VTCN1: variants seen among roughly 807,000 people sequenced by gnomAD.
The protein encoded by VTCN1 is V-set domain-containing T-cell activation inhibitor 1.
In VTCN1, 26 loss-of-function variants were observed where a neutral mutation model predicts 26.5. That is an observed-to-expected ratio of 0.98 (90% CI 0.72 to 1.36). The LOEUF is 1.36. Among genes scored for constraint, VTCN1 ranks in the 40% most tolerant of loss-of-function variants. VTCN1 has a pLI of 0.00. For synonymous variants in VTCN1, 116 were observed against 130.7 expected (o/e 0.89, Z 0.77); for missense variants, 298 against 337.7 (o/e 0.88, Z 0.92).
At chr1:117,204,897 A>G (rs750784793) in intron 1 of VTCN1, among the ~76,000 whole-genome samples, 13 of 151,920 alleles carry the variant, frequency 8.6e-5, no homozygotes, top group African/African-American at 2.7e-4. Flanking sequence ...ACCCTGTTCT[A>G]CCATTTTTAA....
chr1:117,156,977 C>A (rs888631586), intron 2 of VTCN1, 56 bp from the exon 3 acceptor site: 5 of 1,611,758 alleles, frequency 3.1e-6, no homozygotes, highest in South Asian at 1.1e-5. Context: ...CTTCTACAAC[C>A]AAACCCTTCA....
At chr1:117,157,244 G>A (rs1384333040) in intron 2 of VTCN1, among the ~76,000 whole-genome samples, 1 of 151,988 alleles carries the variant, frequency 6.6e-6, no homozygotes, top group East Asian at 1.9e-4. Context: ...GTAACCTTCA[G>A]TAAGTCATGT....
rs535246937 is a variant in VTCN1, at chr1:117,175,752, C to A, written c.33-5581G>T. Among the ~76,000 whole-genome samples the A allele has an allele frequency of 4.9e-4, 73 of 148,392 alleles. No homozygotes were observed. The highest frequency in any genetic ancestry group is 1.7e-3 in the African/African-American group (69 of 40,472). On this transcript the variant is annotated intron_variant, in intron 1 of 5. Coordinates refer to ENST00000369458, the MANE Select transcript of VTCN1 (RefSeq NM_024626.4). This position sits in a 1 kb window ranked among gnomAD's most constrained non-coding sequence, Gnocchi z 4.2. ...CAAAAAATAAACCAGAAGAGAGATA[C>A]CTATCTCTCTCTCTCTCTCTCTTTT...
At chr1:117,154,391 G>A (rs923615692) in intron 3 of VTCN1, among the ~76,000 whole-genome samples, 5 of 152,012 alleles carry the variant, frequency 3.3e-5, no homozygotes, top group Non-Finnish European at 5.9e-5. Context: ...ATAATTTCAC[G>A]TGTACAGAAA....
In VTCN1 at chr1:117,147,224, C is replaced by T. The variant is rs1034619197; in HGVS notation, c.*45+389G>A. ...TCATCTGCCAACTGTCCACAGGGGC[C>T]GGCTGGAAGGGCAGGGAGGGGTTTT... On this transcript the variant is annotated intron_variant, in intron 5 of 5. Coordinates refer to ENST00000369458, the MANE Select transcript of VTCN1 (RefSeq NM_024626.4). The surrounding 1 kb of genome is among the most constrained non-coding windows in gnomAD (Gnocchi z 4.6). Among the ~76,000 whole-genome samples, 3 of 151,978 alleles carry T rather than the reference C, an allele frequency of 2.0e-5. No homozygotes were observed. The highest frequency in any genetic ancestry group is 2.9e-5 in the Non-Finnish European group (2 of 68,010).
chr1:117,147,688 C>T lies in VTCN1; in HGVS notation c.819G>A (p.Leu273=). The T allele has an allele frequency of 5.6e-6, 9 of 1,613,882 alleles. No individual in the cohort carries two copies. The Admixed American group carries it at 1.3e-4, about 24-fold the overall frequency. ...SSFFAISWAL[L]PLSPYLMLK ...TTAGCATCAGGTAAGGGCTGAGAGG[C>T]AGAAGTGCCCAGCTGATGGCAAAGA... Residue 273 remains leucine, a synonymous_variant, in exon 5 of 6, where the codon CTG becomes CTA. Coordinates refer to ENST00000369458, the MANE Select transcript of VTCN1 (RefSeq NM_024626.4). The surrounding 1 kb of genome is among the most constrained non-coding windows in gnomAD (Gnocchi z 4.6).
In VTCN1 at chr1:117,183,053, T is replaced by C. The variant is rs1234354227; in HGVS notation, c.33-12882A>G. Among the ~76,000 whole-genome samples the C allele has an allele frequency of 2.6e-5, 4 of 152,214 alleles. No homozygotes were observed. The highest frequency in any genetic ancestry group is 9.6e-5 in the African/African-American group (4 of 41,464). ...AAGATTAAAATATAAAGTATTGATT[T>C]AAGCATAGAAAGCGAAGAAAGCATA... On this transcript the variant is annotated intron_variant, in intron 1 of 5. Coordinates refer to ENST00000369458, the MANE Select transcript of VTCN1 (RefSeq NM_024626.4). This position sits in a 1 kb window ranked among gnomAD's most constrained non-coding sequence, Gnocchi z 4.1.
rs1386235762 is a variant in VTCN1 at position 117,144,991 on chromosome 1, C to A, written c.*280G>T. 2 of 152,638 alleles carry A rather than the reference C, an allele frequency of 1.3e-5. No homozygotes were observed. Among genetic ancestry groups the A allele is most frequent in the African/African-American group, 4.8e-5 (2 of 41,446 alleles). The allele number at this position is 152,638 out of a possible 1,614,324, so 9.5% of individuals were successfully genotyped here. ...AGATCTGGGGATGCACTTGTCTCCA[C>A]GTGCATTTTACTTATCACTCTTAAC... On this transcript the variant is annotated 3_prime_UTR_variant, in exon 6 of 6. Transcript: ENST00000369458.
intron 1 of VTCN1, among the ~76,000 whole-genome samples, chr1:117,178,595 T>G (rs1027204498): frequency 1.4e-4 from 20 of 142,308 alleles, no homozygotes; most frequent in Admixed American, 1.0e-3. Context: ...TTCGTTTTTT[T>G]TTTTTTTTTT....
At chr1:117,180,449 T>G (rs1158166086) in intron 1 of VTCN1, among the ~76,000 whole-genome samples, 2 of 152,144 alleles carry the variant, frequency 1.3e-5, no homozygotes, top group African/African-American at 4.8e-5. Flanking sequence ...TTATTCTCAC[T>G]GCAGAGAAAA....
At chr1:117,185,587 C>T (rs569155279) in intron 1 of VTCN1, among the ~76,000 whole-genome samples, 13 of 152,088 alleles carry the variant, frequency 8.5e-5, no homozygotes, top group Non-Finnish European at 1.8e-4. Context: ...CCATTATATC[C>T]TCCTCTCTTT....
chr1:117,154,783 C>CAAAAAAAAAAAAAAAAAA (rs916361996), intron 3 of VTCN1, among the ~76,000 whole-genome samples: 22 of 39,584 alleles, frequency 5.6e-4, no homozygotes, highest in South Asian at 1.1e-3. Context: ...AACTCCATCT[C>CAAAAAAAAAAAAAAAAAA]AAAAAAAAAA....
chr1:117,203,589 C>T (rs10801937), intron 1 of VTCN1: 634,162 of 983,150 alleles, frequency 0.65, 209,197 homozygotes, highest in Non-Finnish European at 0.67. Context: ...AAAGCGCACA[C>T]AGAGAGAAAT....
At chr1:117,188,463 G>A (rs995696264) in intron 1 of VTCN1, among the ~76,000 whole-genome samples, 1 of 152,196 alleles carries the variant, frequency 6.6e-6, no homozygotes, top group Non-Finnish European at 1.5e-5. Flanking sequence ...AATTGAAGGT[G>A]AAACCAGGTT....
At chr1:117,160,823 A>G (rs1403029527) in intron 2 of VTCN1, among the ~76,000 whole-genome samples, 1 of 152,204 alleles carries the variant, frequency 6.6e-6, no homozygotes, top group African/African-American at 2.4e-5. Flanking sequence ...GGTTGGAATT[A>G]TCTCATTGAC....
intron 1 of VTCN1, among the ~76,000 whole-genome samples, chr1:117,189,280 G>T (rs1240852536): frequency 2.6e-5 from 4 of 152,054 alleles, no homozygotes; most frequent in Non-Finnish European, 5.9e-5. Context: ...GCACCTGCAG[G>T]TCCACTATCC....
chr1:117,169,780 A>C lies in VTCN1; in HGVS notation c.97+327T>G, dbSNP rs1484866124. Among the ~76,000 whole-genome samples the C allele has an allele frequency of 1.3e-5, 2 of 152,154 alleles. No homozygotes were observed. The highest frequency in any genetic ancestry group is 2.4e-5 in the African/African-American group (1 of 41,440). ...TGGTGGTGCACATGCCTGTAGTCCT[A>C]GCTACTTGGGAGGCTGAGGTGAGAG... is the stretch of plus-strand genomic sequence containing the variant. On this transcript the variant is annotated intron_variant, in intron 2 of 5. Transcript: ENST00000369458. This position sits in a 1 kb window ranked among gnomAD's most constrained non-coding sequence, Gnocchi z 4.0.
At position 117,173,098 on chromosome 1, in the gene VTCN1, G is replaced by A. The variant is rs1653009719; in HGVS notation, c.33-2927C>T. ...GAAGGACCGCAGCTTCATTCCTGAA[G>A]TCAGAGAGACCAGAACCCACAGGGA... is the stretch of plus-strand genomic sequence containing the variant. On this transcript the variant is annotated intron_variant, in intron 1 of 5. Coordinates refer to ENST00000369458, the MANE Select transcript of VTCN1 (RefSeq NM_024626.4). 1.3e-5 allele frequency: 9 copies of A among 708,534 alleles called. 1 individual carries two copies. The Middle Eastern group carries it at 1.1e-3, about 86-fold the overall frequency. The allele number at this position is 708,534 out of a possible 1,614,324, so 43.9% of individuals were successfully genotyped here.
chr1:117,158,658 A>G (rs562594047), intron 2 of VTCN1, among the ~76,000 whole-genome samples: 3 of 152,326 alleles, frequency 2.0e-5, no homozygotes, highest in South Asian at 4.1e-4. Flanking sequence ...TCAGCTCCTC[A>G]TTACTTATGC....
Sources: gnomAD v4.1 joint callset for allele counts (sites outside exome capture counted in the v4.1 genomes callset) on GRCh38, gnomAD v4.1.1 for gene constraint, Gnocchi (gnomAD v3.1) non-coding constraint, MANE v1.5 for transcripts, NCBI Gene and HGNC (gene_info 2026-07-23, HGNC 2026-07-21) for gene names.